Variants in NKAIN3 observed in about 807,000 individuals in gnomAD.
NKAIN3 encodes the protein sodium/potassium-transporting ATPase subunit beta-1-interacting protein 3.
In NKAIN3, 25 loss-of-function variants were observed where a neutral mutation model predicts 30.2. The ratio of observed to expected loss-of-function variants is 0.83; its 90% CI spans 0.60 to 1.16. The LOEUF is 1.16. Ranked by LOEUF, NKAIN3 falls within the 50% of genes most tolerant of loss-of-function variation. The pLI is 0.00. For missense variants in NKAIN3, 225 were observed against 254.1 expected (o/e 0.89, Z 0.78); for synonymous variants, 91 against 89.6 (o/e 1.02, Z -0.09).
chr8:62,273,302 TA>T (rs1216557296), intron 1 of NKAIN3, among the ~76,000 whole-genome samples: 1 of 152,168 alleles, frequency 6.6e-6, no homozygotes, highest in East Asian at 1.9e-4. Flanking sequence ...TTAATTTAAT[TA>T]AAAAAATTAT....
At chr8:62,265,320 A>C (rs1812569902) in intron 1 of NKAIN3, among the ~76,000 whole-genome samples, 1 of 152,160 alleles carries the variant, frequency 6.6e-6, no homozygotes, top group South Asian at 2.1e-4. Context: ...TTCTGTAAAC[A>C]CTTTTGTCTA....
chr8:62,644,238 C>T (rs1339183614), intron 3 of NKAIN3, among the ~76,000 whole-genome samples: 2 of 152,088 alleles, frequency 1.3e-5, no homozygotes, highest in Non-Finnish European at 2.9e-5. Context: ...TAGGCTCCTG[C>T]ACCATTCTTT....
chr8:62,829,535 T>TA (rs1321092429), intron 4 of NKAIN3, among the ~76,000 whole-genome samples: 1 of 152,100 alleles, frequency 6.6e-6, no homozygotes, highest in Non-Finnish European at 1.5e-5. Flanking sequence ...CAGCAAAGGA[T>TA]AAATTCTAAA....
chr8:62,819,778 A>G (rs921099695), intron 4 of NKAIN3, among the ~76,000 whole-genome samples: 11 of 152,108 alleles, frequency 7.2e-5, no homozygotes, highest in Non-Finnish European at 1.3e-4. Context: ...GTAAACCCAC[A>G]CTTTTGACTC....
At position 62,360,948 on chromosome 8, in the gene NKAIN3, C is replaced by T. The variant is rs537881712; in HGVS notation, c.54+111821C>T. On this transcript the variant is annotated intron_variant, in intron 1 of 6. Transcript: ENST00000623646. ...CAGAAACTGGGTTTTGTTTTATCTTCCTATTATGAAAGAGGGAATGAGGTT... is the reference window on the plus strand; with the variant it reads ...CAGAAACTGGGTTTTGTTTTATCTTTCTATTATGAAAGAGGGAATGAGGTT... 1.7e-3 allele frequency among the ~76,000 whole-genome samples: 256 copies of T among 151,170 alleles called. 2 individuals carry two copies. The highest frequency in any genetic ancestry group is 4.6e-4 in the Non-Finnish European group (31 of 67,910).
intron 6 of NKAIN3, among the ~76,000 whole-genome samples, chr8:62,957,708 G>A (rs1486419635): frequency 2.0e-5 from 3 of 152,160 alleles, no homozygotes; most frequent in African/African-American, 7.2e-5. Flanking sequence ...AGGGTTGCGG[G>A]AGGGGAGACA....
At chr8:62,831,323 G>GA (rs532378090) in intron 4 of NKAIN3, among the ~76,000 whole-genome samples, 1 of 152,128 alleles carries the variant, frequency 6.6e-6, no homozygotes, top group East Asian at 1.9e-4. Flanking sequence ...ATGGCTCCAT[G>GA]AAAAACCTGA....
At chr8:62,639,290 G>T (rs192965782) in intron 3 of NKAIN3, among the ~76,000 whole-genome samples, 4 of 152,294 alleles carry the variant, frequency 2.6e-5, no homozygotes, top group Non-Finnish European at 4.4e-5. Context: ...AATTCCAGAA[G>T]AGAGGTGGCC....
chr8:62,705,085 T>G (rs2130477862), intron 3 of NKAIN3, among the ~76,000 whole-genome samples: 1 of 152,236 alleles, frequency 6.6e-6, no homozygotes. Context: ...AATCTCCCAT[T>G]TTTTTACTGG....
chr8:62,717,439 A>G (rs994176980), intron 3 of NKAIN3, among the ~76,000 whole-genome samples: 1 of 151,794 alleles, frequency 6.6e-6, no homozygotes, highest in African/African-American at 2.4e-5. Flanking sequence ...AACACAGGAG[A>G]CTTTGAATAA....
At chr8:62,759,737 CA>C (rs1354325713) in intron 4 of NKAIN3, among the ~76,000 whole-genome samples, 5 of 146,700 alleles carry the variant, frequency 3.4e-5, no homozygotes. Flanking sequence ...AACACCAAAG[CA>C]ATGGCAACAA....
rs534261882 is a variant in NKAIN3, at chr8:62,625,385, G to A, written c.273+35591G>A. 7.9e-5 allele frequency among the ~76,000 whole-genome samples: 12 copies of A among 152,160 alleles called. No individual in the cohort carries two copies. The South Asian group carries it at 1.2e-3, about 16-fold the overall frequency. Reference sequence around the variant, plus strand: ...GCTAGAGTTTGCCTGAAGTCATATGGCTAATTAATGGAGAAACCTAGACTC... The same window carrying A: ...GCTAGAGTTTGCCTGAAGTCATATGACTAATTAATGGAGAAACCTAGACTC... On this transcript the variant is annotated intron_variant, in intron 3 of 6. Coordinates refer to ENST00000623646, the MANE Select transcript of NKAIN3 (RefSeq NM_001304533.3).
intron 3 of NKAIN3, among the ~76,000 whole-genome samples, chr8:62,591,951 T>C: frequency 6.6e-6 from 1 of 152,052 alleles, no homozygotes; most frequent in Non-Finnish European, 1.5e-5. Flanking sequence ...TTGGTTTATA[T>C]ACTAACTTTC....
intron 3 of NKAIN3, among the ~76,000 whole-genome samples, chr8:62,671,727 T>C (rs1049006217): frequency 3.3e-5 from 5 of 152,154 alleles, no homozygotes; most frequent in Non-Finnish European, 7.3e-5. Flanking sequence ...GACTAAATTA[T>C]TACTGGGGTT....
chr8:62,727,113 T>G (rs1226593148), intron 3 of NKAIN3, among the ~76,000 whole-genome samples: 1 of 152,092 alleles, frequency 6.6e-6, no homozygotes, highest in African/African-American at 2.4e-5. Flanking sequence ...CATGGTCATG[T>G]CAATAGATGC....
rs554423201 is a variant in NKAIN3, at chr8:62,976,796, G to T, written c.*11389G>T. On this transcript the variant is annotated 3_prime_UTR_variant, in exon 7 of 7. Coordinates refer to ENST00000623646, the MANE Select transcript of NKAIN3 (RefSeq NM_001304533.3). ...ATAGTGTCGATGGTCTTTACATTTT[G>T]GAATGTTTTTGCAGTGGCTGGTACT... 6.6e-6 allele frequency among the ~76,000 whole-genome samples: 1 copy of T among 152,248 alleles called. No individual in the cohort carries two copies. The highest frequency in any genetic ancestry group is 2.1e-4 in the South Asian group (1 of 4,820).
At chr8:62,449,652 A>G (rs956726222) in intron 1 of NKAIN3, among the ~76,000 whole-genome samples, 2 of 152,080 alleles carry the variant, frequency 1.3e-5, no homozygotes, top group Non-Finnish European at 2.9e-5. Context: ...ATTTTTCAGA[A>G]CGTATAAGTT....
intron 6 of NKAIN3, among the ~76,000 whole-genome samples, chr8:62,964,541 T>A (rs78464045): frequency 0.058 from 3,914 of 66,922 alleles, 81 homozygotes; most frequent in Admixed American, 0.12. Flanking sequence ...AGAGAGAGTG[T>A]GTGTGTGTGT....
intron 6 of NKAIN3, among the ~76,000 whole-genome samples, chr8:62,961,898 C>G (rs1404996483): frequency 1.3e-5 from 2 of 152,084 alleles, no homozygotes; most frequent in African/African-American, 2.4e-5. Flanking sequence ...ATTATCGATG[C>G]TTACAAATAT....
Sources: allele counts gnomAD v4.1 joint callset (sites outside exome capture counted in the v4.1 genomes callset), GRCh38; gene constraint gnomAD v4.1.1; transcripts MANE v1.5; gene names NCBI Gene and HGNC (gene_info 2026-07-23, HGNC 2026-07-21).